The following TRHDE variants were observed in gnomAD, a reference collection of about 807,000 sequenced individuals.
The protein encoded by TRHDE is thyrotropin-releasing hormone-degrading ectoenzyme.
Under a neutral mutation model 125.7 loss-of-function variants are expected in TRHDE, and 72 were observed. The ratio of observed to expected loss-of-function variants is 0.57; its 90% CI spans 0.47 to 0.70. The LOEUF is 0.70. TRHDE is among the 30% of genes least tolerant of loss of function. The probability of loss-of-function intolerance (pLI) is 0.00; values close to 1 mark genes in which losing one functional copy is unlikely to be tolerated. For synonymous variants in TRHDE, 509 were observed against 509.1 expected (o/e 1.00, Z 0.00); for missense variants, 1,110 against 1,327.1 (o/e 0.84, Z 2.54).
At chr12:72,489,517 TA>T (rs1197106908) in intron 5 of TRHDE, among the ~76,000 whole-genome samples, 1 of 151,402 alleles carries the variant, frequency 6.6e-6, no homozygotes, top group Non-Finnish European at 1.5e-5. Flanking sequence ...TATGGAAACA[TA>T]AAAAACCTTG....
At chr12:72,247,279 A>AT (rs1176507102) in intron 2 of TRHDE, among the ~76,000 whole-genome samples, 1 of 152,202 alleles carries the variant, frequency 6.6e-6, no homozygotes, top group African/African-American at 2.4e-5. Context: ...GTAACTATTA[A>AT]TTAAAAAAAA....
intron 9 of TRHDE, among the ~76,000 whole-genome samples, chr12:72,564,387 G>A (rs1279650610): frequency 6.6e-6 from 1 of 152,144 alleles, no homozygotes; most frequent in Non-Finnish European, 1.5e-5. Context: ...CTACTTGACT[G>A]TGGCCAAGTT....
intron 12 of TRHDE, among the ~76,000 whole-genome samples, chr12:72,611,688 G>A (rs1468666318): frequency 6.6e-6 from 1 of 152,192 alleles, no homozygotes; most frequent in Non-Finnish European, 1.5e-5. Flanking sequence ...AAAGAGTGCT[G>A]TGTGAAATTG....
chr12:72,093,223 T>C (rs893215702), intron 1 of TRHDE, among the ~76,000 whole-genome samples: 1 of 152,220 alleles, frequency 6.6e-6, no homozygotes, highest in Non-Finnish European at 1.5e-5. Context: ...TTGTGATGAA[T>C]CTCTTTCTTC....
chr12:72,468,481 G>A (rs376092087), intron 3 of TRHDE, among the ~76,000 whole-genome samples: 83 of 152,284 alleles, frequency 5.5e-4, no homozygotes, highest in Non-Finnish European at 9.3e-4. Context: ...TGCATCGTAG[G>A]GAGTTAACCC....
rs1874730319 is a variant in TRHDE at position 72,656,941 on chromosome 12, T to G, written c.2999T>G (p.Leu1000Trp). 1 of 1,609,376 alleles carries G rather than the reference T, an allele frequency of 6.2e-7. No homozygotes were observed. Residue 1000 changes from leucine to tryptophan, a missense_variant, in exon 18 of 19, where the codon TTG becomes TGG. Around this residue, in one of 5 missense-constraint regions of TRHDE, gnomAD observed 527 missense variants for 651.8 expected, o/e 0.81. Transcript: ENST00000261180. ...KILNTRYGEA[L>W]FMNSKLISGV... ...TTTCTTTTGAGGTATGGAGAAGCAT[T>G]GTTTATGAATTCCAAACTCATCAGT...
At chr12:72,485,015 A>T (rs536673420) in intron 5 of TRHDE, among the ~76,000 whole-genome samples, 2 of 152,142 alleles carry the variant, frequency 1.3e-5, no homozygotes, top group South Asian at 2.1e-4. Flanking sequence ...TCAACTCAGA[A>T]CCAGGAGGGA....
At chr12:72,461,495 T>G (rs1011035857) in intron 3 of TRHDE, among the ~76,000 whole-genome samples, 1 of 152,190 alleles carries the variant, frequency 6.6e-6, no homozygotes, top group Non-Finnish European at 1.5e-5. Context: ...AAATGTAGTT[T>G]ATATTTTTAC....
Position 72,210,898 on chromosome 12 carries a change from C to G in TRHDE, n.279+105146C>G, listed in dbSNP as rs566911253. On this transcript the variant is annotated intron_variant and non_coding_transcript_variant, in intron 2 of 4. Coordinates refer to the TRHDE transcript ENST00000548156. The stretch of plus-strand genomic sequence containing the variant: ...ACTTTCTGATTCATACACATAGTGC[C>G]TAAATCTCAACATAACATTCATAAG... 1.3e-4 allele frequency among the ~76,000 whole-genome samples: 20 copies of G among 152,168 alleles called. 1 individual carries two copies. In the East Asian group the frequency reaches 3.7e-3, roughly 28 times the overall value.
At chr12:72,449,357 A>G (rs1339485959) in intron 3 of TRHDE, among the ~76,000 whole-genome samples, 1 of 152,108 alleles carries the variant, frequency 6.6e-6, no homozygotes, top group African/African-American at 2.4e-5. Context: ...CTGGTAATCC[A>G]TAATAAACCT....
intron 7 of TRHDE, among the ~76,000 whole-genome samples, chr12:72,545,611 T>G (rs1869379290): frequency 6.6e-6 from 1 of 151,548 alleles, no homozygotes; most frequent in Non-Finnish European, 1.5e-5. Context: ...ATTTGAATAT[T>G]TAGACTGTAT....
intron 12 of TRHDE, chr12:72,582,252 G>A (rs1871270228): frequency 2.0e-6 from 2 of 982,722 alleles, no homozygotes; most frequent in African/African-American, 3.5e-5. Context: ...TATATTAGAA[G>A]CCTGGGAATT....
intron 15 of TRHDE, among the ~76,000 whole-genome samples, chr12:72,644,917 A>G (rs2136103791): frequency 6.6e-6 from 1 of 152,346 alleles, no homozygotes; most frequent in Admixed American, 6.5e-5. Flanking sequence ...AGCTCAGCAC[A>G]GAGCAAGCAG....
chr12:72,639,578 C>T (rs967008075), intron 15 of TRHDE, among the ~76,000 whole-genome samples: 23 of 150,418 alleles, frequency 1.5e-4, no homozygotes, highest in African/African-American at 5.0e-4. Flanking sequence ...GAGAGGCGCT[C>T]TGCTTTTTAG....
chr12:72,432,838 T>G (rs1205872031), intron 3 of TRHDE, among the ~76,000 whole-genome samples: 2 of 152,166 alleles, frequency 1.3e-5, no homozygotes, highest in African/African-American at 4.8e-5. Context: ...AGCTAGAACC[T>G]CCAGAATAAT....
At chr12:72,094,495 A>C (rs1281241213) in intron 1 of TRHDE, among the ~76,000 whole-genome samples, 1 of 152,112 alleles carries the variant, frequency 6.6e-6, no homozygotes, top group African/African-American at 2.4e-5. Context: ...TGGATCTGCT[A>C]TGGGACTGCA....
intron 5 of TRHDE, among the ~76,000 whole-genome samples, chr12:72,474,410 C>G (rs1565756557): frequency 6.6e-6 from 1 of 152,098 alleles, no homozygotes. Context: ...GCTTTGTACA[C>G]TTTGTCTAAT....
At chr12:72,465,879 T>C (rs1592465615) in intron 3 of TRHDE, among the ~76,000 whole-genome samples, 2 of 152,246 alleles carry the variant, frequency 1.3e-5, no homozygotes, top group Non-Finnish European at 2.9e-5. Context: ...ATTTTTTCCC[T>C]ACTCTGCCGT....
rs189910214 is a variant in TRHDE, at chr12:72,579,251, C to T, written c.2321+3709C>T. 5.7e-4 allele frequency among the ~76,000 whole-genome samples: 87 copies of T among 151,822 alleles called. 1 individual carries two copies. The East Asian group carries it at 0.016, about 27-fold the overall frequency. On this transcript the variant is annotated intron_variant, in intron 12 of 18. Coordinates refer to ENST00000261180, the MANE Select transcript of TRHDE (RefSeq NM_013381.3). ...CTCCATCAACCATGTGTGAGCGGGC[C>T]CAATTTCCTCAAATCCTGCATTATA...
Sources: allele counts gnomAD v4.1 joint callset (sites outside exome capture counted in the v4.1 genomes callset), GRCh38; gene constraint gnomAD v4.1.1; regional missense constraint gnomAD v4.1.1; transcripts MANE v1.5; gene names NCBI Gene and HGNC (gene_info 2026-07-23, HGNC 2026-07-21).